Variants in HMCN1 observed in about 807,000 individuals in gnomAD.
HMCN1 encodes the protein hemicentin 1.
HMCN1 carries 321 observed loss-of-function variants against 625.9 expected under a neutral mutation model. The ratio of observed to expected loss-of-function variants is 0.51; its 90% CI spans 0.47 to 0.56. The LOEUF is 0.56. Among genes scored for constraint, HMCN1 ranks in the 20% least tolerant of loss-of-function variants. The probability of loss-of-function intolerance (pLI) is 0.00; values close to 1 mark genes in which losing one functional copy is unlikely to be tolerated. For missense variants in HMCN1, 6,588 were observed against 6,887.3 expected, an observed-to-expected ratio of 0.96 and a Z score of 1.54; for synonymous variants, 2,425 against 2,417.6, an observed-to-expected ratio of 1.00 and a Z score of -0.09.
intron 46 of HMCN1, among the ~76,000 whole-genome samples, chr1:186,061,571 C>T (rs1487496335): frequency 6.6e-6 from 1 of 152,168 alleles, no homozygotes. Flanking sequence ...CTTTTAAGAT[C>T]ATATTCAAAC....
intron 1 of HMCN1, among the ~76,000 whole-genome samples, chr1:185,808,595 A>T (rs957039607): frequency 2.2e-4 from 33 of 152,318 alleles, no homozygotes; most frequent in African/African-American, 7.9e-4. Flanking sequence ...TATTAAAATT[A>T]TGAATGGATT....
At chr1:185,806,401 C>A (rs1456271455) in intron 1 of HMCN1, among the ~76,000 whole-genome samples, 1 of 151,930 alleles carries the variant, frequency 6.6e-6, no homozygotes, top group Non-Finnish European at 1.5e-5. Flanking sequence ...GCAACAAATG[C>A]TGGACTTGGT....
chr1:186,030,174 G>A (rs1452263311), intron 36 of HMCN1, among the ~76,000 whole-genome samples: 1 of 152,092 alleles, frequency 6.6e-6, no homozygotes, highest in Non-Finnish European at 1.5e-5. Context: ...TGAGAAGAAT[G>A]TGTTTTCTGG....
intron 36 of HMCN1, 91 bp downstream of exon 36, chr1:186,023,244 G>C: frequency 9.4e-7 from 1 of 1,059,662 alleles, no homozygotes; most frequent in Non-Finnish European, 1.4e-6. Flanking sequence ...CAGTATAAAA[G>C]AAACAGGTGT....
chr1:185,885,139 G>A (rs6667316), intron 4 of HMCN1, among the ~76,000 whole-genome samples: 52,455 of 151,108 alleles, frequency 0.35, 12,187 homozygotes, highest in African/African-American at 0.66. Context: ...AAAGTTGGAG[G>A]ATTTCAGAGG....
At chr1:186,137,733 T>C in intron 88 of HMCN1, 65 bp downstream of exon 88, 2 of 1,613,848 alleles carry the variant, frequency 1.2e-6, no homozygotes, top group Non-Finnish European at 1.7e-6. Context: ...CTTCTACCTA[T>C]GGATTGCCCC....
At chr1:185,970,586 C>T in intron 15 of HMCN1, 93 bp downstream of exon 15, 1 of 1,135,974 alleles carries the variant, frequency 8.8e-7, no homozygotes, top group Non-Finnish European at 1.3e-6. Flanking sequence ...TAGAATTATT[C>T]ATCAGAATGG....
intron 75 of HMCN1, among the ~76,000 whole-genome samples, chr1:186,116,680 G>GA (rs1460013464): frequency 6.4e-4 from 97 of 152,208 alleles, no homozygotes; most frequent in African/African-American, 2.2e-3. Flanking sequence ...TGTTCTCATT[G>GA]TACTGTATTT....
At chr1:185,946,014 G>C (rs558018533) in intron 11 of HMCN1, among the ~76,000 whole-genome samples, 3 of 152,286 alleles carry the variant, frequency 2.0e-5, no homozygotes, top group Non-Finnish European at 4.4e-5. Flanking sequence ...TAAAAGCATG[G>C]TCTGATACAC....
At chr1:186,144,487 G>T (rs1650159632) in intron 90 of HMCN1, 46 bp from the exon 91 acceptor site, 1 of 1,613,410 alleles carries the variant, frequency 6.2e-7, no homozygotes, top group African/African-American at 1.3e-5. Context: ...GTAACACGAT[G>T]GTTCCTAGGT....
chr1:185,874,558 G>A (rs1415641500), intron 4 of HMCN1, among the ~76,000 whole-genome samples: 2 of 152,058 alleles, frequency 1.3e-5, no homozygotes, highest in African/African-American at 4.8e-5. Flanking sequence ...CTACTTTTGA[G>A]AGCTCCCTTG....
At chr1:185,778,992 T>A (rs1041597925) in intron 1 of HMCN1, among the ~76,000 whole-genome samples, 3 of 152,204 alleles carry the variant, frequency 2.0e-5, no homozygotes, top group African/African-American at 7.2e-5. Context: ...TTTCTCCACA[T>A]CCTCTCCAGC....
chr1:186,050,948 G>GAA (rs1656909208), intron 42 of HMCN1, among the ~76,000 whole-genome samples: 1 of 152,002 alleles, frequency 6.6e-6, no homozygotes, highest in South Asian at 2.1e-4. Context: ...TGGTTATGTA[G>GAA]AAAAGCATAT....
At chr1:185,891,391 A>G (rs1352459857) in intron 4 of HMCN1, among the ~76,000 whole-genome samples, 1 of 147,774 alleles carries the variant, frequency 6.8e-6, no homozygotes, top group Non-Finnish European at 1.5e-5. Flanking sequence ...TAGTTGATGC[A>G]GTTTCTTGCT....
Position 186,067,940 on chromosome 1 carries a change from A to G in HMCN1, c.7812A>G (p.Pro2604=). The change falls in exon 50 of 107, where the codon CCA becomes CCG. Residue 2604 remains proline (P), a synonymous_variant. Coordinates refer to ENST00000271588, the MANE Select transcript of HMCN1 (RefSeq NM_031935.3). ...TCTGTGAAGCTTATTCATATCCTCC[A>G]GCTACCATCACCTGGTTTAAGGATG... is the stretch of plus-strand genomic sequence containing the variant. ...SLVCEAYSYP[P]ATITWFKDGT... The G allele has an allele frequency of 1.9e-6, 3 of 1,613,564 alleles. No individual in the cohort carries two copies. The highest frequency in any genetic ancestry group is 2.5e-6 in the Non-Finnish European group (3 of 1,179,520).
At chr1:186,141,578 A>G (rs1649966217) in intron 89 of HMCN1, among the ~76,000 whole-genome samples, 1 of 152,162 alleles carries the variant, frequency 6.6e-6, no homozygotes, top group Non-Finnish European at 1.5e-5. Context: ...ATACATATAT[A>G]GCTACAGATT....
At chr1:186,010,608 G>A (rs1653937730) in intron 30 of HMCN1, among the ~76,000 whole-genome samples, 1 of 152,094 alleles carries the variant, frequency 6.6e-6, no homozygotes. Flanking sequence ...TATGCAATTT[G>A]AGCCAAAGTT....
At chr1:185,963,691 A>T (rs778771468) in intron 12 of HMCN1, 77 bp from the exon 13 acceptor site, 7 of 1,107,150 alleles carry the variant, frequency 6.3e-6, no homozygotes, top group Middle Eastern at 2.8e-4. Context: ...AAATATTTTA[A>T]AGGAAAGCAC....
In HMCN1 at chr1:185,923,447, A is replaced by G. The variant is rs1558068000; in HGVS notation, c.1079A>G (p.Asp360Gly). 1.2e-6 allele frequency: 2 copies of G among 1,610,296 alleles called. No individual in the cohort carries two copies. The highest frequency in any genetic ancestry group is 8.5e-7 in the Non-Finnish European group (1 of 1,176,886). ...GGAATTTCCACTCCAGCTAGAATAG[A>G]TCTTCTTGAACTTTTGAGTATCTCA... ...TSGISTPARI[D>G]LLELLSISGS... The change falls in exon 8 of 107, where the codon GAT becomes GGT. Residue 360 changes from aspartate to glycine, a missense_variant. Asp to Gly is a moderately conservative substitution (Grantham distance 94). This residue lies in a region of HMCN1 where 4,628 missense variants were observed against 4,853.1 expected (regional missense o/e 0.95). Coordinates refer to ENST00000271588, the MANE Select transcript of HMCN1 (RefSeq NM_031935.3).
Sources: gnomAD v4.1 joint callset for allele counts (sites outside exome capture counted in the v4.1 genomes callset) on GRCh38, gnomAD v4.1.1 for gene constraint, gnomAD v4.1.1 regional missense constraint, MANE v1.5 for transcripts, NCBI Gene and HGNC (gene_info 2026-07-23, HGNC 2026-07-21) for gene names.